The following DLGAP1 variants were observed in gnomAD, a reference collection of about 807,000 sequenced individuals.
The protein encoded by DLGAP1 is DLG associated protein 1, also known as disks large-associated protein 1.
A neutral mutation model predicts 90.8 loss-of-function variants in DLGAP1; 11 were observed. The observed-to-expected ratio is 0.12, with a 90% CI of 0.08 to 0.20. The LOEUF (loss-of-function observed/expected upper bound fraction) is 0.20, where lower values mean the gene tolerates loss of function less well. DLGAP1 is among the 10% of genes least tolerant of loss of function. The pLI is 1.00. For missense variants in DLGAP1, 1,050 were observed against 1,333.8 expected, an observed-to-expected ratio of 0.79 and a Z score of 3.31; for synonymous variants, 558 against 540.7, an observed-to-expected ratio of 1.03 and a Z score of -0.44.
intron 2 of DLGAP1, among the ~76,000 whole-genome samples, chr18:4,079,328 CA>C (rs2075570648): frequency 1.5e-5 from 2 of 135,084 alleles, no homozygotes; most frequent in African/African-American, 2.9e-5. Context: ...CACACACACA[CA>C]CACACACCAT....
At chr18:3,611,459 C>A (rs189474378) in intron 7 of DLGAP1, among the ~76,000 whole-genome samples, 2 of 152,210 alleles carry the variant, frequency 1.3e-5, no homozygotes, top group Non-Finnish European at 1.5e-5. Context: ...AGCCTTCCAA[C>A]GGCAGCTGTC....
Position 3,757,116 on chromosome 18 carries a change from A to G in DLGAP1, c.1173-14604T>C, listed in dbSNP as rs1478052046. ...TATCACCCTGAGATCAAAGCCAAAG[A>G]TACTGCAAGGAGGCCAGATGTAGTG... is the stretch of plus-strand genomic sequence containing the variant. On this transcript the variant is annotated intron_variant, in intron 5 of 12. Coordinates refer to ENST00000315677, the MANE Select transcript of DLGAP1 (RefSeq NM_004746.4). Among the ~76,000 whole-genome samples the G allele has an allele frequency of 2.6e-5, 4 of 152,320 alleles. No homozygotes were observed. In the East Asian group the frequency reaches 7.7e-4, roughly 29 times the overall value.
At chr18:3,751,019 T>G (rs2063474429) in intron 5 of DLGAP1, among the ~76,000 whole-genome samples, 1 of 152,222 alleles carries the variant, frequency 6.6e-6, no homozygotes, top group Non-Finnish European at 1.5e-5. Context: ...GTTGTAATTA[T>G]TAATATTTGG....
chr18:3,848,127 CAAAAAAAAAAAAAAAAAA>C (rs3862177), intron 4 of DLGAP1, among the ~76,000 whole-genome samples: 5 of 32,080 alleles, frequency 1.6e-4, no homozygotes, highest in African/African-American at 6.9e-4. Context: ...GGCCCCGTCT[CAAAAAAAAAAAAAAAAAA>C]AAAAAAAAAA....
intron 1 of DLGAP1, among the ~76,000 whole-genome samples, chr18:4,201,951 T>C (rs2077615938): frequency 6.6e-6 from 1 of 152,176 alleles, no homozygotes; most frequent in Admixed American, 6.5e-5. Flanking sequence ...ATCTACCATT[T>C]GATCCAGCAA....
At chr18:4,016,715 C>T (rs774523979) in intron 2 of DLGAP1, among the ~76,000 whole-genome samples, 7 of 152,140 alleles carry the variant, frequency 4.6e-5, no homozygotes, top group Non-Finnish European at 8.8e-5. Context: ...GTTTGGTAGA[C>T]CAGAAGTGTG....
chr18:3,507,419 G>A (rs1235846338), intron 11 of DLGAP1, among the ~76,000 whole-genome samples: 7 of 151,960 alleles, frequency 4.6e-5, no homozygotes, highest in African/African-American at 9.7e-5. Context: ...CGGAGGCTGA[G>A]GCAGGAGAAT....
At chr18:4,068,425 C>A (rs1381262736) in intron 2 of DLGAP1, among the ~76,000 whole-genome samples, 10 of 151,304 alleles carry the variant, frequency 6.6e-5, no homozygotes, top group Middle Eastern at 3.5e-3. Context: ...ATATTAATGT[C>A]ATATATTTTT....
chr18:3,859,082 T>C (rs2069859753), intron 4 of DLGAP1, among the ~76,000 whole-genome samples: 1 of 152,226 alleles, frequency 6.6e-6, no homozygotes, highest in African/African-American at 2.4e-5. Flanking sequence ...AGTGAATGAC[T>C]GTATACTGCA....
At position 3,879,659 on chromosome 18, in the gene DLGAP1, C is replaced by T. The variant is rs759947491; in HGVS notation, c.410G>A (p.Arg137His). The change falls in exon 4 of 13, where the codon CGC (arginine) becomes CAC (histidine). Residue 137 changes from arginine to histidine, a missense_variant. Arg to His is a conservative substitution (Grantham distance 29). This residue lies in a region of DLGAP1 where 485 missense variants were observed against 454.1 expected (regional missense o/e 1.07). Coordinates refer to ENST00000315677, the MANE Select transcript of DLGAP1 (RefSeq NM_004746.4). The surrounding 1 kb of genome is among the most constrained non-coding windows in gnomAD (Gnocchi z 6.6). ...GACCGAGTGCACCAGGTGGCGGATGCGGCCGGGGCTGTCGCTGCGGTGCTC... is the reference window on the plus strand; with the variant it reads ...GACCGAGTGCACCAGGTGGCGGATGTGGCCGGGGCTGTCGCTGCGGTGCTC... ...AVEHRSDSPGRIRHLVHSVQK... is the reference protein window; with the variant it reads ...AVEHRSDSPGHIRHLVHSVQK... The T allele has an allele frequency of 3.1e-6, 5 of 1,605,590 alleles. No individual in the cohort carries two copies. The highest frequency in any genetic ancestry group is 1.1e-5 in the South Asian group (1 of 90,952).
intron 3 of DLGAP1, among the ~76,000 whole-genome samples, chr18:3,957,589 C>T (rs1012316432): frequency 1.2e-4 from 19 of 152,086 alleles, no homozygotes; most frequent in Admixed American, 1.2e-3. Context: ...ATCCACACTA[C>T]TAATCCCTTT....
At chr18:3,962,170 T>G (rs1398767570) in intron 3 of DLGAP1, among the ~76,000 whole-genome samples, 3 of 152,254 alleles carry the variant, frequency 2.0e-5, no homozygotes, top group Admixed American at 1.3e-4. Flanking sequence ...AATTTTTGTT[T>G]GCTACCACTT....
chr18:3,527,330 T>C (rs549172455), intron 10 of DLGAP1, among the ~76,000 whole-genome samples: 10 of 148,628 alleles, frequency 6.7e-5, no homozygotes, highest in African/African-American at 2.5e-4. Flanking sequence ...AACTCTCTAA[T>C]AGAGAAAGAT....
At chr18:4,012,027 T>C (rs779551202) in intron 2 of DLGAP1, among the ~76,000 whole-genome samples, 4 of 152,144 alleles carry the variant, frequency 2.6e-5, no homozygotes, top group African/African-American at 9.6e-5. Flanking sequence ...GACTCTACAA[T>C]GTCCTTGGGC....
chr18:4,071,622 A>G (rs889047827), intron 2 of DLGAP1, among the ~76,000 whole-genome samples: 5 of 152,168 alleles, frequency 3.3e-5, no homozygotes, highest in African/African-American at 1.2e-4. Context: ...GTCCCATTAT[A>G]TTAGTGCTTA....
At chr18:3,505,790 C>T (rs937069996) in intron 11 of DLGAP1, among the ~76,000 whole-genome samples, 13 of 152,038 alleles carry the variant, frequency 8.6e-5, no homozygotes, top group South Asian at 4.1e-4. Context: ...ACCAGCATTG[C>T]GACTGTCTTC....
At chr18:4,096,227 A>G (rs771798895) in intron 2 of DLGAP1, among the ~76,000 whole-genome samples, 23 of 152,006 alleles carry the variant, frequency 1.5e-4, no homozygotes, top group Non-Finnish European at 3.4e-4. Context: ...GTTTCACCAT[A>G]TTGGCCAGGC....
At chr18:3,782,283 C>T (rs57519545) in intron 5 of DLGAP1, among the ~76,000 whole-genome samples, 48,225 of 151,822 alleles carry the variant, frequency 0.32, 8,571 homozygotes, top group Non-Finnish European at 0.41. Context: ...ATTACAGGTA[C>T]GTGCCACCAC....
At chr18:4,168,997 T>C (rs2076980069) in intron 1 of DLGAP1, among the ~76,000 whole-genome samples, 1 of 152,232 alleles carries the variant, frequency 6.6e-6, no homozygotes, top group Non-Finnish European at 1.5e-5. Context: ...TGTGAATTAA[T>C]ATTGCTATGA....
Sources: gnomAD v4.1 joint callset for allele counts (sites outside exome capture counted in the v4.1 genomes callset) on GRCh38, gnomAD v4.1.1 for gene constraint, gnomAD v4.1.1 regional missense constraint, Gnocchi (gnomAD v3.1) non-coding constraint, MANE v1.5 for transcripts, NCBI Gene and HGNC (gene_info 2026-07-23, HGNC 2026-07-21) for gene names.